Variants in PTPRK observed in about 807,000 individuals in gnomAD.
PTPRK encodes protein tyrosine phosphatase receptor type K.
Under a neutral mutation model 178.0 loss-of-function variants are expected in PTPRK, and 75 were observed. That is an observed-to-expected ratio of 0.42 (90% CI 0.35 to 0.51). PTPRK has a LOEUF of 0.51. PTPRK is among the 20% of genes least tolerant of loss of function. PTPRK has a pLI of 0.02. For synonymous variants in PTPRK, 637 were observed against 620.6 expected (o/e 1.03, Z -0.39); for missense variants, 1,441 against 1,797.8 (o/e 0.80, Z 3.59).
chr6:128,095,217 T>A (rs990301607), intron 7 of PTPRK, among the ~76,000 whole-genome samples: 2 of 152,208 alleles, frequency 1.3e-5, no homozygotes, highest in Non-Finnish European at 2.9e-5. Flanking sequence ...TTTGAGGTGA[T>A]GGATAAGTAG....
chr6:128,464,521 C>G (rs1025436754), intron 1 of PTPRK, among the ~76,000 whole-genome samples: 1 of 150,084 alleles, frequency 6.7e-6, no homozygotes, highest in African/African-American at 2.5e-5. Flanking sequence ...AACCATACAT[C>G]AAAAGTAATA....
At chr6:128,034,942 G>A (rs1290386547) in intron 13 of PTPRK, among the ~76,000 whole-genome samples, 2 of 152,166 alleles carry the variant, frequency 1.3e-5, no homozygotes, top group African/African-American at 4.8e-5. Flanking sequence ...CAAGGAGAAA[G>A]ATAAAAGTGA....
chr6:128,467,886 A>T (rs1260467652), intron 1 of PTPRK, among the ~76,000 whole-genome samples: 1 of 151,690 alleles, frequency 6.6e-6, no homozygotes, highest in Non-Finnish European at 1.5e-5. Flanking sequence ...ATTGGCCATT[A>T]AATGTTGGAA....
intron 1 of PTPRK, among the ~76,000 whole-genome samples, chr6:128,432,681 G>C (rs188726661): frequency 1.3e-5 from 2 of 151,200 alleles, no homozygotes; most frequent in South Asian, 4.2e-4. Context: ...TTGAACACAG[G>C]TATGAAGTAC....
intron 3 of PTPRK, among the ~76,000 whole-genome samples, chr6:128,319,007 T>G (rs1189448279): frequency 6.6e-6 from 1 of 152,212 alleles, no homozygotes; most frequent in African/African-American, 2.4e-5. Context: ...GCATTGATTG[T>G]TCTGAACACA....
chr6:128,318,879 A>T (rs1828401891), intron 3 of PTPRK, among the ~76,000 whole-genome samples: 1 of 152,204 alleles, frequency 6.6e-6, no homozygotes, highest in African/African-American at 2.4e-5. Context: ...CAATCAATTT[A>T]AGAATCTACA....
intron 3 of PTPRK, among the ~76,000 whole-genome samples, chr6:128,307,804 A>G (rs1032174436): frequency 5.9e-5 from 9 of 152,188 alleles, no homozygotes; most frequent in Non-Finnish European, 7.4e-5. Context: ...GCAAATAAAT[A>G]CCAAGGGTTA....
intron 2 of PTPRK, among the ~76,000 whole-genome samples, chr6:128,379,899 A>G (rs1837636261): frequency 6.6e-6 from 1 of 152,136 alleles, no homozygotes; most frequent in Admixed American, 6.6e-5. Flanking sequence ...TTGTTTAATA[A>G]TATTTGTGTG....
intron 7 of PTPRK, among the ~76,000 whole-genome samples, chr6:128,165,014 C>T (rs1187756618): frequency 6.6e-6 from 1 of 151,206 alleles, no homozygotes; most frequent in East Asian, 2.0e-4. Flanking sequence ...GTCCTTCATA[C>T]AAATTTTACA....
intron 2 of PTPRK, among the ~76,000 whole-genome samples, chr6:128,345,664 G>T (rs1418677604): frequency 6.6e-6 from 1 of 152,182 alleles, no homozygotes; most frequent in Non-Finnish European, 1.5e-5. Context: ...CTCCTCCAAT[G>T]CAGTCCAGAA....
At chr6:128,237,279 C>T (rs1396630655) in intron 5 of PTPRK, among the ~76,000 whole-genome samples, 2 of 152,122 alleles carry the variant, frequency 1.3e-5, no homozygotes, top group South Asian at 2.1e-4. Context: ...AAGTTGATTG[C>T]CATTTGGTAT....
At chr6:128,119,279 T>A (rs764318910) in intron 7 of PTPRK, among the ~76,000 whole-genome samples, 11 of 151,962 alleles carry the variant, frequency 7.2e-5, no homozygotes, top group Non-Finnish European at 1.3e-4. Flanking sequence ...GGTTTTTTTT[T>A]TAAATTTACA....
At chr6:128,132,481 T>C (rs2114467300) in intron 7 of PTPRK, among the ~76,000 whole-genome samples, 1 of 152,368 alleles carries the variant, frequency 6.6e-6, no homozygotes, top group African/African-American at 2.4e-5. Flanking sequence ...CCAGGCTGTG[T>C]GTTTTAAAAA....
chr6:128,266,879 G>A (rs1453625185), intron 3 of PTPRK, among the ~76,000 whole-genome samples: 2 of 152,000 alleles, frequency 1.3e-5, no homozygotes, highest in Non-Finnish European at 2.9e-5. Context: ...ATGTGAAGGA[G>A]GAATATAGCA....
intron 7 of PTPRK, among the ~76,000 whole-genome samples, chr6:128,092,909 C>T (rs370283095): frequency 1.6e-4 from 24 of 152,014 alleles, no homozygotes; most frequent in African/African-American, 4.8e-4. Context: ...ATAGAATAAC[C>T]GAAAGCAAAA....
chr6:128,283,728 A>C (rs1822041043), intron 3 of PTPRK, among the ~76,000 whole-genome samples: 1 of 152,214 alleles, frequency 6.6e-6, no homozygotes, highest in Non-Finnish European at 1.5e-5. Context: ...TAGTAGTTAG[A>C]AATAAACTGC....
At chr6:128,198,468 G>A (rs1381811568) in intron 6 of PTPRK, among the ~76,000 whole-genome samples, 1 of 152,088 alleles carries the variant, frequency 6.6e-6, no homozygotes, top group Non-Finnish European at 1.5e-5. Flanking sequence ...ACCATGGCCT[G>A]TTGTGGGGGT....
At chr6:128,099,650 T>A (rs1788466298) in intron 7 of PTPRK, among the ~76,000 whole-genome samples, 1 of 152,094 alleles carries the variant, frequency 6.6e-6, no homozygotes, top group Non-Finnish European at 1.5e-5. Context: ...TGACTATTGA[T>A]ACACACTTTA....
intron 2 of PTPRK, among the ~76,000 whole-genome samples, chr6:128,369,500 CTG>C (rs1443092802): frequency 6.6e-6 from 1 of 151,998 alleles, no homozygotes; most frequent in African/African-American, 2.4e-5. Flanking sequence ...CATGTGAAAA[CTG>C]ACTATTCTTT....
Sources: allele counts gnomAD v4.1 joint callset (sites outside exome capture counted in the v4.1 genomes callset), GRCh38; gene constraint gnomAD v4.1.1; transcripts MANE v1.5; gene names NCBI Gene and HGNC (gene_info 2026-07-23, HGNC 2026-07-21).